ATAD2: variants seen among roughly 807,000 people sequenced by gnomAD.
ATAD2 encodes ATPase family AAA domain containing 2.
In ATAD2, 62 loss-of-function variants were observed where a neutral mutation model predicts 168.9. That is an observed-to-expected ratio of 0.37 (90% CI 0.30 to 0.45). ATAD2 has a LOEUF of 0.45. Among genes scored for constraint, ATAD2 ranks in the 20% least tolerant of loss-of-function variants. ATAD2 has a pLI of 1.00. For synonymous variants in ATAD2, 613 were observed against 571.6 expected, an observed-to-expected ratio of 1.07 and a Z score of -1.03; for missense variants, 1,419 against 1,667.8, an observed-to-expected ratio of 0.85 and a Z score of 2.60.
intron 1 of ATAD2, among the ~76,000 whole-genome samples, chr8:123,393,138 T>C (rs1446948290): frequency 2.0e-5 from 3 of 150,720 alleles, no homozygotes; most frequent in East Asian, 2.0e-4. Flanking sequence ...TGAGCCGAGA[T>C]TGGGCCACTG....
chr8:123,395,434 C>T (rs1298554888), intron 1 of ATAD2, among the ~76,000 whole-genome samples: 3 of 152,160 alleles, frequency 2.0e-5, no homozygotes, highest in Non-Finnish European at 2.9e-5. Flanking sequence ...TTCCAAACTT[C>T]CCCTATAGAC....
At chr8:123,329,746 CAAAAAAAAAA>C (rs68104102) in intron 24 of ATAD2, among the ~76,000 whole-genome samples, 5 of 84,386 alleles carry the variant, frequency 5.9e-5, no homozygotes, top group African/African-American at 2.0e-4. Flanking sequence ...AACTCCGTCT[CAAAAAAAAAA>C]AAAAAAAAAA....
chr8:123,395,772 A>G (rs1324974873), intron 1 of ATAD2, among the ~76,000 whole-genome samples: 1 of 150,888 alleles, frequency 6.6e-6, no homozygotes, highest in African/African-American at 2.4e-5. Flanking sequence ...CCTCCCCCCC[A>G]ACGTTTATGG....
chr8:123,376,830 C>T (rs939786267), intron 2 of ATAD2, among the ~76,000 whole-genome samples: 2 of 151,096 alleles, frequency 1.3e-5, no homozygotes, highest in Admixed American at 6.6e-5. Context: ...TGGTGGCTCA[C>T]GCCTGTAATC....
At chr8:123,364,707 A>G (rs1031390573) in intron 8 of ATAD2, among the ~76,000 whole-genome samples, 2 of 152,208 alleles carry the variant, frequency 1.3e-5, no homozygotes, top group African/African-American at 2.4e-5. Flanking sequence ...CAGAAAAGGC[A>G]TTCAACAAAA....
chr8:123,364,409 T>C (rs926716663), intron 8 of ATAD2, among the ~76,000 whole-genome samples: 1 of 152,012 alleles, frequency 6.6e-6, no homozygotes, highest in African/African-American at 2.4e-5. Context: ...GAGGGAATCC[T>C]CCCCAAATCA....
At chr8:123,363,753 C>T (rs1828887126) in intron 8 of ATAD2, among the ~76,000 whole-genome samples, 1 of 152,156 alleles carries the variant, frequency 6.6e-6, no homozygotes. Context: ...TAACTGACTG[C>T]TTTCTGTACC....
intron 1 of ATAD2, among the ~76,000 whole-genome samples, chr8:123,390,406 C>T (rs1348302211): frequency 6.6e-6 from 1 of 152,080 alleles, no homozygotes; most frequent in South Asian, 2.1e-4. Context: ...AAAGCTGTAA[C>T]CTCTAAACCT....
chr8:123,352,683 C>CTTTT (rs542915406), intron 13 of ATAD2: 3 of 142,130 alleles, frequency 2.1e-5, no homozygotes, highest in South Asian at 2.3e-4. Context: ...GAAATCATAC[C>CTTTT]TTTTTTTTTT....
intron 26 of ATAD2, among the ~76,000 whole-genome samples, chr8:123,324,850 C>T (rs1267738155): frequency 1.3e-5 from 2 of 152,104 alleles, no homozygotes; most frequent in Non-Finnish European, 2.9e-5. Context: ...CAACAGATAA[C>T]CTGACAGCTG....
intron 8 of ATAD2, among the ~76,000 whole-genome samples, chr8:123,368,844 C>T (rs999907946): frequency 1.6e-4 from 24 of 152,024 alleles, no homozygotes; most frequent in African/African-American, 4.8e-4. Flanking sequence ...TACCTTACTA[C>T]GGTAGTTACT....
At chr8:123,344,811 T>C (rs1165905068) in intron 19 of ATAD2, 73 bp downstream of exon 19, 1 of 1,500,274 alleles carries the variant, frequency 6.7e-7, no homozygotes, top group African/African-American at 1.4e-5. Flanking sequence ...TTGAATTTTT[T>C]CAATAAGTTA....
Position 123,346,213 on chromosome 8 carries a change from C to G in ATAD2, c.2405G>C (p.Gly802Ala). ...TGCCAAGTGAGAACCTTGCCCAAATCCTGGTTCTCCTACTATCAATATTCT... is the reference window on the plus strand; with the variant it reads ...TGCCAAGTGAGAACCTTGCCCAAATGCTGGTTCTCCTACTATCAATATTCT... ...RPRILIVGEP[G>A]FGQGSHLAPA... is the part of the protein sequence containing the mutation. The change falls in exon 18 of 28, where the codon GGA becomes GCA. Residue 802 changes from glycine (G) to alanine (A), a missense_variant. Physicochemically the swap from Gly to Ala is moderately conservative, Grantham distance 60. Coordinates refer to ENST00000287394, the MANE Select transcript of ATAD2 (RefSeq NM_014109.4). The G allele has an allele frequency of 8.7e-6, 14 of 1,611,620 alleles. No individual in the cohort carries two copies. Among genetic ancestry groups the G allele is most frequent in the Non-Finnish European group, 1.2e-5 (14 of 1,179,236 alleles).
At chr8:123,357,228 C>T (rs1032162735) in intron 12 of ATAD2, among the ~76,000 whole-genome samples, 1 of 152,108 alleles carries the variant, frequency 6.6e-6, no homozygotes, top group Non-Finnish European at 1.5e-5. Flanking sequence ...AAATGAAAGC[C>T]GCTCCAGGGC....
intron 19 of ATAD2, among the ~76,000 whole-genome samples, chr8:123,343,953 T>C (rs532899280): frequency 2.0e-5 from 3 of 152,338 alleles, no homozygotes; most frequent in African/African-American, 7.2e-5. Context: ...CAGTATGGCC[T>C]TTTGTTCACT....
chr8:123,381,368 G>T (rs1030948615), intron 1 of ATAD2, among the ~76,000 whole-genome samples: 7 of 152,122 alleles, frequency 4.6e-5, no homozygotes, highest in African/African-American at 1.7e-4. Context: ...AGGCATGGTG[G>T]AGCACACCTG....
intron 1 of ATAD2, among the ~76,000 whole-genome samples, chr8:123,393,762 CAAA>C (rs1812703594): frequency 6.6e-6 from 1 of 151,682 alleles, no homozygotes; most frequent in East Asian, 1.9e-4. Flanking sequence ...ACCAAAAACA[CAAA>C]AATTAGGTAG....
chr8:123,379,432 G>A (rs1018799132), intron 2 of ATAD2, among the ~76,000 whole-genome samples: 1 of 152,202 alleles, frequency 6.6e-6, no homozygotes, highest in African/African-American at 2.4e-5. Context: ...CTAAGTTATA[G>A]TCACAAAAGG....
chr8:123,403,337 T>C (rs1813031065), intron 1 of ATAD2, among the ~76,000 whole-genome samples: 1 of 151,736 alleles, frequency 6.6e-6, no homozygotes, highest in Non-Finnish European at 1.5e-5. Flanking sequence ...TGAGCTCAGG[T>C]GATCTGCCCA....
Sources: allele counts gnomAD v4.1 joint callset (sites outside exome capture counted in the v4.1 genomes callset), GRCh38; gene constraint gnomAD v4.1.1; transcripts MANE v1.5; gene names NCBI Gene and HGNC (gene_info 2026-07-23, HGNC 2026-07-21).